The following CBLN2 variants were observed in gnomAD, a reference collection of about 807,000 sequenced individuals.
CBLN2 encodes the protein cerebellin 2 precursor, also known as cerebellin-2.
Under a neutral mutation model 15.0 loss-of-function variants are expected in CBLN2, and 7 were observed. The ratio of observed to expected loss-of-function variants is 0.47; its 90% CI spans 0.27 to 0.88. CBLN2 has a LOEUF of 0.88. Among genes scored for constraint, CBLN2 ranks in the 40% least tolerant of loss-of-function variants. The pLI is 0.14. For synonymous variants in CBLN2, 149 were observed against 135.2 expected (o/e 1.10, Z -0.71); for missense variants, 242 against 304.5 (o/e 0.79, Z 1.53).
chr18:72,624,395 T>C (rs2069721177), intron 1 of CBLN2, among the ~76,000 whole-genome samples: 1 of 152,124 alleles, frequency 6.6e-6, no homozygotes, highest in South Asian at 2.1e-4. Flanking sequence ...ATGCCAGCAC[T>C]TTGGGAAGCC....
intron 1 of CBLN2, among the ~76,000 whole-genome samples, chr18:72,554,820 T>C (rs2069214353): frequency 6.6e-6 from 1 of 152,074 alleles, no homozygotes; most frequent in Non-Finnish European, 1.5e-5. Flanking sequence ...CATTTCCCCC[T>C]TGCTGATATT....
At chr18:72,544,973 CTAATAATAA>C (rs3841257), upstream of CBLN2, among the ~76,000 whole-genome samples, 6 of 147,240 alleles carry the variant, frequency 4.1e-5, no homozygotes, top group East Asian at 2.0e-4. Context: ...TTCTGATAGG[CTAATAATAA>C]TAATAATAAT....
chr18:72,554,033 G>T (rs1398231553), intron 1 of CBLN2, among the ~76,000 whole-genome samples: 1 of 152,090 alleles, frequency 6.6e-6, no homozygotes, highest in Non-Finnish European at 1.5e-5. Flanking sequence ...GCATCCTTTG[G>T]TTCTCAATCC....
chr18:72,547,730 T>A (rs80252223), upstream of CBLN2, among the ~76,000 whole-genome samples: 663 of 152,264 alleles, frequency 4.4e-3, 19 homozygotes, highest in East Asian at 0.051. Flanking sequence ...CTTGTGCTTT[T>A]GTATCTGAAA....
intron 1 of CBLN2, among the ~76,000 whole-genome samples, chr18:72,566,602 G>A (rs2069296663): frequency 6.6e-6 from 1 of 152,094 alleles, no homozygotes; most frequent in South Asian, 2.1e-4. Context: ...ATCTAAAAAG[G>A]TCGATCTCAT....
chr18:72,609,429 A>G (rs1016181641), intron 1 of CBLN2, among the ~76,000 whole-genome samples: 3 of 152,044 alleles, frequency 2.0e-5, no homozygotes, highest in Non-Finnish European at 2.9e-5. Context: ...CAAGAAGAAG[A>G]TGGCCATTCA....
intron 1 of CBLN2, among the ~76,000 whole-genome samples, chr18:72,602,220 T>C: frequency 6.6e-6 from 1 of 152,140 alleles, no homozygotes; most frequent in East Asian, 1.9e-4. Flanking sequence ...ACAGGTCAGA[T>C]AACATCTTCC....
upstream of CBLN2, among the ~76,000 whole-genome samples, chr18:72,546,762 C>T (rs975027286): frequency 2.0e-5 from 3 of 152,164 alleles, no homozygotes; most frequent in Admixed American, 6.5e-5. Context: ...CAGGTGTTCA[C>T]ACAGAGCTGA....
At chr18:72,577,641 C>A (rs1009268485) in intron 1 of CBLN2, among the ~76,000 whole-genome samples, 3 of 152,194 alleles carry the variant, frequency 2.0e-5, no homozygotes, top group Non-Finnish European at 4.4e-5. Flanking sequence ...TGGGCAAGAG[C>A]CAGTGCGTGC....
In CBLN2 at chr18:72,573,027, T is replaced by C. The variant is rs150904794; in HGVS notation, c.16-34255A>G. 5.4e-3 allele frequency among the ~76,000 whole-genome samples: 821 copies of C among 152,304 alleles called. 6 individuals are homozygous for C. The highest frequency in any genetic ancestry group is 0.019 in the African/African-American group (782 of 41,568). ...TAGTTCAAAGACCCAGAATTTTCTATTTGTTTTGTGGCTTTGTGATTTTCT... is the reference window on the plus strand; with the variant it reads ...TAGTTCAAAGACCCAGAATTTTCTACTTGTTTTGTGGCTTTGTGATTTTCT... On this transcript the variant is annotated intron_variant, in intron 1 of 2. Coordinates refer to the CBLN2 transcript ENST00000581073.
chr18:72,623,647 C>T (rs2069715742), intron 1 of CBLN2, among the ~76,000 whole-genome samples: 1 of 152,008 alleles, frequency 6.6e-6, no homozygotes, highest in Non-Finnish European at 1.5e-5. Flanking sequence ...CTGAGTTTGC[C>T]CTGGACAAGC....
Position 72,543,391 on chromosome 18 carries a change from C to T in CBLN2, c.-167+95G>A, listed in dbSNP as rs565443647. ...TGATTTCCCTTCTCTCTCTCCACCT[C>T]CTCCACCCCTCGATCTGGACCAGGG... On this transcript the variant is annotated intron_variant, in intron 2 of 4. Coordinates refer to ENST00000269503, the MANE Select transcript of CBLN2 (RefSeq NM_182511.4). This position sits in a 1 kb window ranked among gnomAD's most constrained non-coding sequence, Gnocchi z 6.8. 11 of 397,718 alleles carry T rather than the reference C, an allele frequency of 2.8e-5. No homozygotes were observed. In the South Asian group the frequency reaches 1.3e-3, roughly 46 times the overall value. The allele number at this position is 397,718 out of a possible 1,614,324, so 24.6% of individuals were successfully genotyped here.
intron 1 of CBLN2, among the ~76,000 whole-genome samples, chr18:72,560,264 A>T (rs1321690462): frequency 6.6e-6 from 1 of 152,182 alleles, no homozygotes; most frequent in Non-Finnish European, 1.5e-5. Context: ...ATGGACAGAG[A>T]TCATCTGTGC....
intron 1 of CBLN2, among the ~76,000 whole-genome samples, chr18:72,601,660 C>T (rs1453673897): frequency 6.6e-6 from 1 of 152,120 alleles, no homozygotes; most frequent in East Asian, 1.9e-4. Flanking sequence ...AGGTCCCAGG[C>T]CTAACCCCTG....
intron 1 of CBLN2, among the ~76,000 whole-genome samples, chr18:72,633,096 T>C (rs2069787949): frequency 6.6e-6 from 1 of 152,228 alleles, no homozygotes; most frequent in Admixed American, 6.5e-5. Flanking sequence ...AAGTCGGGTA[T>C]GTACTAAGTA....
chr18:72,616,274 C>A lies in CBLN2; in HGVS notation c.15+22051G>T, dbSNP rs181185423. Among the ~76,000 whole-genome samples the A allele has an allele frequency of 7.0e-4, 107 of 152,330 alleles. 1 individual carries two copies. The highest frequency in any genetic ancestry group is 2.5e-3 in the African/African-American group (102 of 41,584). On this transcript the variant is annotated intron_variant, in intron 1 of 2. Transcript: ENST00000581073. ...TGTTTCATAAGGCCCCATGTTTCCT[C>A]CCTATATGTAGAGATGATATTCCTT...
chr18:72,554,630 G>GT (rs1352969961), intron 1 of CBLN2, among the ~76,000 whole-genome samples: 3 of 144,822 alleles, frequency 2.1e-5, no homozygotes, highest in African/African-American at 7.9e-5. Flanking sequence ...ATAACACAAA[G>GT]TAAAAAAAAA....
At chr18:72,599,014 A>T (rs931329512) in intron 1 of CBLN2, among the ~76,000 whole-genome samples, 3 of 151,902 alleles carry the variant, frequency 2.0e-5, no homozygotes, top group African/African-American at 7.2e-5. Context: ...AAAACCAGGT[A>T]CTGTGATCAC....
intron 1 of CBLN2, chr18:72,619,163 C>G: frequency 2.6e-6 from 2 of 763,130 alleles, no homozygotes; most frequent in Non-Finnish European, 4.6e-6. Flanking sequence ...AACCACAAAA[C>G]CAAGGTGGCT....
Sources: allele counts gnomAD v4.1 joint callset (sites outside exome capture counted in the v4.1 genomes callset), GRCh38; gene constraint gnomAD v4.1.1; non-coding constraint Gnocchi (gnomAD v3.1); transcripts MANE v1.5; gene names NCBI Gene and HGNC (gene_info 2026-07-23, HGNC 2026-07-21).